The following RUNDC3B variants were observed in gnomAD, a reference collection of about 807,000 sequenced individuals.
RUNDC3B encodes the protein RUN domain containing 3B.
In RUNDC3B, 33 loss-of-function variants were observed where a neutral mutation model predicts 58.4. The observed-to-expected ratio is 0.56, with a 90% CI of 0.43 to 0.75. The LOEUF is 0.75. Ranked by LOEUF, RUNDC3B falls within the 30% of genes least tolerant of loss-of-function variation. RUNDC3B has a pLI of 0.00. For synonymous variants in RUNDC3B, 193 were observed against 195.2 expected (o/e 0.99, Z 0.10); for missense variants, 501 against 535.7 (o/e 0.94, Z 0.64).
intron 10 of RUNDC3B, among the ~76,000 whole-genome samples, chr7:87,817,429 C>G (rs1467854173): frequency 6.6e-6 from 1 of 152,180 alleles, no homozygotes; most frequent in African/African-American, 2.4e-5. Context: ...AAAATCCAAA[C>G]TGCTTTTCCT....
At chr7:87,667,596 AT>A (rs1284877113) in intron 2 of RUNDC3B, among the ~76,000 whole-genome samples, 1 of 152,116 alleles carries the variant, frequency 6.6e-6, no homozygotes, top group African/African-American at 2.4e-5. Context: ...GCTTTTGCCC[AT>A]TCAGCATAAA....
intron 8 of RUNDC3B, among the ~76,000 whole-genome samples, chr7:87,796,860 G>A (rs1324767619): frequency 6.6e-6 from 1 of 152,186 alleles, no homozygotes; most frequent in Admixed American, 6.5e-5. Context: ...AGAAATAAAT[G>A]TATCAGTAAG....
intron 3 of RUNDC3B, chr7:87,709,157 C>A: frequency 9.4e-6 from 6 of 637,928 alleles, no homozygotes; most frequent in Non-Finnish European, 1.2e-5. Context: ...ATACAGGAAA[C>A]TAAATGCAGC....
At chr7:87,782,084 A>C (rs1264895941) in intron 8 of RUNDC3B, among the ~76,000 whole-genome samples, 1 of 152,162 alleles carries the variant, frequency 6.6e-6, no homozygotes, top group Non-Finnish European at 1.5e-5. Context: ...GTCTGGTAGA[A>C]TACAACTATG....
chr7:87,674,863 G>A (rs1826168377), intron 2 of RUNDC3B, among the ~76,000 whole-genome samples: 1 of 152,124 alleles, frequency 6.6e-6, no homozygotes, highest in African/African-American at 2.4e-5. Flanking sequence ...GTCCAGGTCT[G>A]ACGGTCACCC....
intron 4 of RUNDC3B, among the ~76,000 whole-genome samples, chr7:87,723,202 A>G (rs967692602): frequency 1.3e-5 from 2 of 152,212 alleles, no homozygotes; most frequent in Non-Finnish European, 2.9e-5. Flanking sequence ...AATAAAATAG[A>G]CAAATACCTA....
At chr7:87,763,456 C>T (rs1021176504) in intron 6 of RUNDC3B, among the ~76,000 whole-genome samples, 2 of 151,600 alleles carry the variant, frequency 1.3e-5, no homozygotes, top group African/African-American at 2.4e-5. Context: ...TTTGTTGGCA[C>T]ATCTCTAACG....
Position 87,767,230 on chromosome 7 carries a change from A to AT in RUNDC3B, c.630-3350dup, listed in dbSNP as rs1834021856. ...CTACATTTTGAATTCTTTATTTGTC[A>AT]TAACAGAATTTTCATTTTGGTTAGG... On this transcript the variant is annotated intron_variant, in intron 6 of 10. Coordinates refer to ENST00000394654, the MANE Select transcript of RUNDC3B (RefSeq NM_001134405.2). Among the ~76,000 whole-genome samples the AT allele has an allele frequency of 2.0e-5, 3 of 152,130 alleles. No individual in the cohort carries two copies. The South Asian group carries it at 6.2e-4, about 31-fold the overall frequency.
At chr7:87,647,354 A>C (rs1823112765) in intron 1 of RUNDC3B, among the ~76,000 whole-genome samples, 1 of 152,120 alleles carries the variant, frequency 6.6e-6, no homozygotes, top group South Asian at 2.1e-4. Context: ...CCATTTTCTA[A>C]GAAGTGTATG....
intron 1 of RUNDC3B, among the ~76,000 whole-genome samples, chr7:87,635,004 T>C (rs1375865951): frequency 6.6e-6 from 1 of 152,180 alleles, no homozygotes; most frequent in Non-Finnish European, 1.5e-5. Context: ...TGCATTCATA[T>C]TAATTGACAA....
Position 87,777,787 on chromosome 7 carries a change from T to G in RUNDC3B, c.799-11T>G. The G allele has an allele frequency of 6.2e-7, 1 of 1,612,738 alleles. No homozygotes were observed. On this transcript the variant is annotated splice_polypyrimidine_tract_variant and intron_variant, in intron 7 of 10. Transcript: ENST00000394654. ...TGCAGTTTCTATATCTTGATGATAC[T>G]GGATTTCCAGGGTTACCTTGAAGAA...
chr7:87,724,977 T>A (rs1831130735), intron 4 of RUNDC3B, among the ~76,000 whole-genome samples: 1 of 152,206 alleles, frequency 6.6e-6, no homozygotes, highest in Admixed American at 6.5e-5. Flanking sequence ...AATAAATTAA[T>A]TTTCATATCA....
At chr7:87,763,951 A>G (rs1198120956) in intron 6 of RUNDC3B, among the ~76,000 whole-genome samples, 1 of 151,798 alleles carries the variant, frequency 6.6e-6, no homozygotes, top group Admixed American at 6.6e-5. Flanking sequence ...GATGAAATAT[A>G]TAATGTCTGT....
intron 4 of RUNDC3B, among the ~76,000 whole-genome samples, chr7:87,724,533 AT>A (rs1450506693): frequency 2.0e-5 from 3 of 152,112 alleles, no homozygotes; most frequent in African/African-American, 4.8e-5. Flanking sequence ...AGTGAAAAAA[AT>A]AATCACTTGT....
At chr7:87,743,923 T>A (rs949314517) in intron 6 of RUNDC3B, among the ~76,000 whole-genome samples, 28 of 152,236 alleles carry the variant, frequency 1.8e-4, no homozygotes, top group African/African-American at 6.8e-4. Context: ...CAAAGTTATC[T>A]TGCAGAGTTT....
At chr7:87,729,028 G>C (rs1206882957) in intron 4 of RUNDC3B, among the ~76,000 whole-genome samples, 1 of 151,992 alleles carries the variant, frequency 6.6e-6, no homozygotes, top group Non-Finnish European at 1.5e-5. Context: ...TATCCACAAA[G>C]ACATTTTTCC....
intron 1 of RUNDC3B, among the ~76,000 whole-genome samples, chr7:87,629,974 G>T (rs1374042888): frequency 1.3e-5 from 2 of 151,726 alleles, no homozygotes; most frequent in Non-Finnish European, 2.9e-5. Flanking sequence ...GAGATAACTG[G>T]TTTTTAACAT....
At chr7:87,652,621 GATATATATATATATAT>G (rs373344881) in intron 2 of RUNDC3B, among the ~76,000 whole-genome samples, 4 of 125,414 alleles carry the variant, frequency 3.2e-5, no homozygotes, top group Admixed American at 1.6e-4. Context: ...TGTGGTCACT[GATATATATATATATAT>G]ATATATATAG....
intron 9 of RUNDC3B, among the ~76,000 whole-genome samples, chr7:87,813,596 A>G (rs560342598): frequency 6.6e-6 from 1 of 152,166 alleles, no homozygotes; most frequent in African/African-American, 2.4e-5. Flanking sequence ...CCTCCTACCT[A>G]TTGGGCACAA....
Sources: allele counts gnomAD v4.1 joint callset (sites outside exome capture counted in the v4.1 genomes callset), GRCh38; gene constraint gnomAD v4.1.1; transcripts MANE v1.5; gene names NCBI Gene and HGNC (gene_info 2026-07-23, HGNC 2026-07-21).